Variants in ZBTB44 observed in about 807,000 individuals in gnomAD.
ZBTB44 encodes zinc finger and BTB domain containing 44.
In ZBTB44, 15 loss-of-function variants were observed where a neutral mutation model predicts 54.0. The observed-to-expected ratio is 0.28, with a 90% CI of 0.19 to 0.43. The LOEUF (loss-of-function observed/expected upper bound fraction) is 0.43. ZBTB44 is among the 20% of genes least tolerant of loss of function. The pLI, the probability that ZBTB44 is intolerant of heterozygous loss-of-function variation, is 1.00. For missense variants in ZBTB44, 487 were observed against 707.1 expected (o/e 0.69, Z 3.53); for synonymous variants, 230 against 250.1 (o/e 0.92, Z 0.76).
chr11:130,292,258 A>G (rs1203289165), intron 1 of ZBTB44, among the ~76,000 whole-genome samples: 1 of 152,224 alleles, frequency 6.6e-6, no homozygotes, highest in East Asian at 1.9e-4. Context: ...AAACCAGCAG[A>G]TGTTCTTAAT....
In ZBTB44 at chr11:130,298,455, GTTT is replaced by G. The variant is rs996057514; in HGVS notation, c.-57+15917_-57+15919del. ...CCACCATGCCCGGCCAAAAGTTGAA[GTTT>G]TTTTTTTTTTTTTTTTTTTTTAAAG... On this transcript the variant is annotated intron_variant, in intron 1 of 7. Coordinates refer to ENST00000357899, the MANE Select transcript of ZBTB44 (RefSeq NM_001301098.2). Among the ~76,000 whole-genome samples, 666 of 116,312 alleles carry G rather than the reference GTTT, an allele frequency of 5.7e-3. 7 individuals are homozygous for G. The highest frequency in any genetic ancestry group is 0.02 in the African/African-American group (640 of 31,540). 76.3% of individuals were successfully genotyped at this position (116,312 alleles called of 152,430 possible).
At position 130,229,211 on chromosome 11, in the gene ZBTB44, T is replaced by C. The variant is rs1295200935; in HGVS notation, c.*2553A>G. 6.6e-6 allele frequency: 1 copy of C among 152,044 alleles called. No homozygotes were observed. Among genetic ancestry groups the C allele is most frequent in the Non-Finnish European group, 1.5e-5 (1 of 67,994 alleles). 9.4% of individuals were successfully genotyped at this position (152,044 alleles called of 1,614,324 possible). A position where few individuals can be genotyped will look rare whatever the true frequency, so the allele number is the denominator to read the frequency against. On this transcript the variant is annotated 3_prime_UTR_variant, in exon 8 of 8. Transcript: ENST00000357899. ...ACATGGAAGTGTTTTTATTTTCCCA[T>C]CATAAAAATATAATCACGATAGAGT...
chr11:130,296,882 T>A (rs1425720819), intron 1 of ZBTB44: 2 of 731,264 alleles, frequency 2.7e-6, no homozygotes, highest in East Asian at 4.9e-5. Context: ...CTCTGCCATT[T>A]GATTTCAAAG....
intron 2 of ZBTB44, among the ~76,000 whole-genome samples, chr11:130,251,775 A>C (rs577133988): frequency 6.6e-6 from 1 of 152,284 alleles, no homozygotes; most frequent in South Asian, 2.1e-4. Context: ...AGGAAGCACT[A>C]AATATGGAAA....
chr11:130,305,345 G>A (rs534886877), intron 1 of ZBTB44, among the ~76,000 whole-genome samples: 1 of 152,136 alleles, frequency 6.6e-6, no homozygotes, highest in Non-Finnish European at 1.5e-5. Flanking sequence ...CACATTACCT[G>A]ACTTCAAACT....
At chr11:130,280,182 G>T (rs1279110636) in intron 1 of ZBTB44, among the ~76,000 whole-genome samples, 1 of 152,046 alleles carries the variant, frequency 6.6e-6, no homozygotes, top group Non-Finnish European at 1.5e-5. Context: ...CCTCTAAAGT[G>T]CATTTGCAAT....
At chr11:130,270,876 A>G (rs1407550922) in intron 1 of ZBTB44, among the ~76,000 whole-genome samples, 1 of 152,214 alleles carries the variant, frequency 6.6e-6, no homozygotes, top group African/African-American at 2.4e-5. Flanking sequence ...CCACATGTAA[A>G]TTTATACATG....
chr11:130,309,461 T>A (rs1942463366), intron 1 of ZBTB44, among the ~76,000 whole-genome samples: 1 of 152,206 alleles, frequency 6.6e-6, no homozygotes, highest in South Asian at 2.1e-4. Flanking sequence ...TCATTTGAGA[T>A]CACATAATTA....
At chr11:130,276,841 T>C (rs1940138427) in intron 1 of ZBTB44, among the ~76,000 whole-genome samples, 1 of 152,214 alleles carries the variant, frequency 6.6e-6, no homozygotes, top group Non-Finnish European at 1.5e-5. Context: ...TGTTATTACA[T>C]ATATGCAACA....
rs145116665 is a variant in ZBTB44, at chr11:130,296,124, G to A, written c.-57+18251C>T. The A allele has an allele frequency of 4.8e-3, 7,316 of 1,518,556 alleles. 37 individuals are homozygous for A. Among genetic ancestry groups the A allele is most frequent in the African/African-American group, 0.021 (1,549 of 72,834 alleles). The allele number at this position is 1,518,556 out of a possible 1,614,324, so 94.1% of individuals were successfully genotyped here. On this transcript the variant is annotated intron_variant, in intron 1 of 7. Coordinates refer to ENST00000357899, the MANE Select transcript of ZBTB44 (RefSeq NM_001301098.2). ...TTAAACTTTTGCCAACATGTAGACA[G>A]ACTATGCTCTTTTCTGCCACCCAAA...
At chr11:130,281,356 C>CA (rs1565673764) in intron 1 of ZBTB44, among the ~76,000 whole-genome samples, 1 of 151,476 alleles carries the variant, frequency 6.6e-6, no homozygotes, top group South Asian at 2.1e-4. Flanking sequence ...CCTGTCTCCA[C>CA]AAAAAATACA....
chr11:130,295,642 T>A (rs201645480), intron 1 of ZBTB44: 17 of 961,588 alleles, frequency 1.8e-5, no homozygotes, highest in Admixed American at 4.5e-5. Context: ...AAAAAAAAAA[T>A]GGGTTTTACC....
intron 1 of ZBTB44, among the ~76,000 whole-genome samples, chr11:130,310,839 C>G (rs567951303): frequency 2.4e-4 from 36 of 152,242 alleles, no homozygotes; most frequent in African/African-American, 8.2e-4. Context: ...CCGGTTCAAG[C>G]AATTCTCCTG....
In ZBTB44 at chr11:130,228,697, G is replaced by T. The variant is rs1401089216; in HGVS notation, c.*3067C>A. 6.6e-6 allele frequency: 1 copy of T among 152,106 alleles called. No individual in the cohort carries two copies. The highest frequency in any genetic ancestry group is 2.4e-5 in the African/African-American group (1 of 41,398). The allele number at this position is 152,106 out of a possible 1,614,324, so 9.4% of individuals were successfully genotyped here. A position where few individuals can be genotyped will look rare whatever the true frequency, so the allele number is the denominator to read the frequency against. On this transcript the variant is annotated 3_prime_UTR_variant, in exon 8 of 8. Transcript: ENST00000357899. ...TAACCTCAACATTCATTTATGGGAT[G>T]ATTTTTCATCTGTTTTATTGAATAA...
intron 1 of ZBTB44, among the ~76,000 whole-genome samples, chr11:130,293,622 G>GAAA (rs771432644): frequency 6.0e-5 from 6 of 100,074 alleles, no homozygotes; most frequent in African/African-American, 2.0e-4. Context: ...TCTACTTAAA[G>GAAA]AAAAAAAAAA....
At chr11:130,283,500 T>C (rs925523829) in intron 1 of ZBTB44, among the ~76,000 whole-genome samples, 2 of 152,214 alleles carry the variant, frequency 1.3e-5, no homozygotes, top group Non-Finnish European at 2.9e-5. Flanking sequence ...CGCACCAGAC[T>C]TTATTTTGGC....
chr11:130,262,073 A>C, intron 1 of ZBTB44, 144 bp from the exon 2 acceptor site: 2 of 613,862 alleles, frequency 3.3e-6, no homozygotes, highest in Non-Finnish European at 5.5e-6. Context: ...GACTGTATAG[A>C]AATATATTCT....
chr11:130,276,242 A>AAAAAAAAAAGAAAAG (rs59112840), intron 1 of ZBTB44, among the ~76,000 whole-genome samples: 2 of 94,420 alleles, frequency 2.1e-5, no homozygotes, highest in Non-Finnish European at 4.1e-5. Context: ...CAAAAAAAAA[A>AAAAAAAAAAGAAAAG]AAAAGAAAAA....
rs59112840 is a variant in ZBTB44 at position 130,276,242 on chromosome 11, A to AAAAAAGAAAG, written c.-56-14314_-56-14313insCTTTCTTTTT. On this transcript the variant is annotated intron_variant, in intron 1 of 7. Transcript: ENST00000357899. ...CGTGAAACTCTGTCTCAAAAAAAAA[A>AAAAAAGAAAG]AAAAGAAAAAAGAAATCAGAGGTTT... is the stretch of plus-strand genomic sequence containing the variant. Among the ~76,000 whole-genome samples, 9 of 94,420 alleles carry AAAAAAGAAAG rather than the reference A, an allele frequency of 9.5e-5. 1 individual carries two copies. Among genetic ancestry groups the AAAAAAGAAAG allele is most frequent in the Admixed American group, 1.5e-4 (1 of 6,768 alleles). 61.9% of individuals were successfully genotyped at this position (94,420 alleles called of 152,430 possible).
Sources: allele counts gnomAD v4.1 joint callset (sites outside exome capture counted in the v4.1 genomes callset), GRCh38; gene constraint gnomAD v4.1.1; transcripts MANE v1.5; gene names NCBI Gene and HGNC (gene_info 2026-07-23, HGNC 2026-07-21).